The following PTPRC variants were observed in gnomAD, a reference collection of about 807,000 sequenced individuals.
PTPRC encodes the protein protein tyrosine phosphatase receptor type C.
In PTPRC, 44 loss-of-function variants were observed where a neutral mutation model predicts 155.9. The ratio of observed to expected loss-of-function variants is 0.28; its 90% CI spans 0.22 to 0.36. The LOEUF is 0.36. Among genes scored for constraint, PTPRC ranks in the 10% least tolerant of loss-of-function variants. The pLI is 1.00. For missense variants in PTPRC, 1,401 were observed against 1,564.6 expected (o/e 0.90, Z 1.76); for synonymous variants, 525 against 533.1 (o/e 0.98, Z 0.21).
At chr1:198,664,521 T>A (rs1007718524) in intron 2 of PTPRC, among the ~76,000 whole-genome samples, 23 of 152,216 alleles carry the variant, frequency 1.5e-4, no homozygotes, top group Non-Finnish European at 4.4e-5. Flanking sequence ...ACTGTTTTTT[T>A]AAAATTCTTT....
At position 198,702,494 on chromosome 1, in the gene PTPRC, C is replaced by T. The variant is rs561155698; in HGVS notation, c.547C>T (p.Arg183Cys). 50 of 1,614,186 alleles carry T rather than the reference C, an allele frequency of 3.1e-5. No homozygotes were observed. The Middle Eastern group carries it at 1.5e-3, about 48-fold the overall frequency. ...AHHSSAALPARTSNTTITANT... is the reference protein window; with the variant it reads ...AHHSSAALPACTSNTTITANT... ...CCACAGCTCTGCTGCCTTACCTGCACGCACCTCCAACACCACCATCACAGC... is the reference window on the plus strand; with the variant it reads ...CCACAGCTCTGCTGCCTTACCTGCATGCACCTCCAACACCACCATCACAGC... The change falls in exon 6 of 33, where the codon CGC (arginine) becomes TGC (cysteine). Residue 183 changes from arginine to cysteine, a missense_variant. Arg to Cys is a radical substitution (Grantham distance 180). Coordinates refer to ENST00000442510, the MANE Select transcript of PTPRC (RefSeq NM_002838.5).
At chr1:198,652,565 A>AC (rs1206761359) in intron 2 of PTPRC, among the ~76,000 whole-genome samples, 3 of 126,798 alleles carry the variant, frequency 2.4e-5, no homozygotes, top group Non-Finnish European at 3.5e-5. Context: ...AACAAATATT[A>AC]CCCTTTTTTT....
At chr1:198,659,066 T>G (rs1207710700) in intron 2 of PTPRC, among the ~76,000 whole-genome samples, 1 of 152,184 alleles carries the variant, frequency 6.6e-6, no homozygotes, top group Non-Finnish European at 1.5e-5. Flanking sequence ...AATTTGAAGT[T>G]GAGAACCAAC....
At chr1:198,695,650 CTTATT>C (rs1251146652) in intron 3 of PTPRC, among the ~76,000 whole-genome samples, 1 of 152,048 alleles carries the variant, frequency 6.6e-6, no homozygotes, top group Non-Finnish European at 1.5e-5. Flanking sequence ...TGTGCATAAA[CTTATT>C]TCACTACTAC....
intron 2 of PTPRC, among the ~76,000 whole-genome samples, chr1:198,639,614 A>G (rs2102161639): frequency 6.6e-6 from 1 of 152,238 alleles, no homozygotes; most frequent in Admixed American, 6.5e-5. Context: ...GTTCAAAGAT[A>G]TTACAAAAGC....
chr1:198,755,897 C>T lies in PTPRC; in HGVS notation c.3646-9C>T, dbSNP rs769881344. ...CTTCATGTAATTTCCCACTTAATTCCTTTACTAGGAGCAATATCAATTCCT... is the reference window on the plus strand; with the variant it reads ...CTTCATGTAATTTCCCACTTAATTCTTTTACTAGGAGCAATATCAATTCCT... On this transcript the variant is annotated splice_polypyrimidine_tract_variant and intron_variant, in intron 32 of 32. Coordinates refer to ENST00000442510, the MANE Select transcript of PTPRC (RefSeq NM_002838.5). The T allele has an allele frequency of 1.2e-6, 2 of 1,605,292 alleles. No individual in the cohort carries two copies. The highest frequency in any genetic ancestry group is 1.3e-5 in the African/African-American group (1 of 74,628).
intron 15 of PTPRC, among the ~76,000 whole-genome samples, chr1:198,726,866 C>CTTTCCT (rs1654158945): frequency 1.4e-5 from 2 of 138,092 alleles, no homozygotes; most frequent in African/African-American, 5.2e-5. Context: ...CTTTTCTTTC[C>CTTTCCT]TTTTTTTTTT....
Position 198,728,389 on chromosome 1 carries a change from A to T in PTPRC, c.1770A>T (p.Thr590=), listed in dbSNP as rs201158579. 1 of 1,613,054 alleles carries T rather than the reference A, an allele frequency of 6.2e-7. No homozygotes were observed. Among genetic ancestry groups the T allele is most frequent in the African/African-American group, 1.3e-5 (1 of 74,890 alleles). ...TTCTGGCATTTCTGATTATTGTGAC[A>T]TCAATAGCCCTGCTTGTTGTTCTCT... The part of the protein sequence containing the change: ...IAFLAFLIIV[T]SIALLVVLYK... Residue 590 remains threonine (T), a synonymous_variant, in exon 16 of 33, where the codon ACA becomes ACT. Transcript: ENST00000442510.
At chr1:198,646,110 A>C (rs1407697539) in intron 2 of PTPRC, among the ~76,000 whole-genome samples, 1 of 151,858 alleles carries the variant, frequency 6.6e-6, no homozygotes, top group East Asian at 1.9e-4. Context: ...TTTTCCTTAA[A>C]GATAAATTTT....
At chr1:198,707,060 G>C in intron 9 of PTPRC, 108 bp downstream of exon 9, 1 of 899,050 alleles carries the variant, frequency 1.1e-6, no homozygotes, top group Admixed American at 2.3e-5. Context: ...ACAGGGCTGA[G>C]GGAAAGGAAA....
At chr1:198,689,730 A>G (rs183024349) in intron 2 of PTPRC, among the ~76,000 whole-genome samples, 19 of 152,288 alleles carry the variant, frequency 1.2e-4, no homozygotes, top group African/African-American at 4.6e-4. Flanking sequence ...GCAATTACTT[A>G]TCAATCACTT....
intron 2 of PTPRC, among the ~76,000 whole-genome samples, chr1:198,682,613 C>G (rs920268219): frequency 4.6e-5 from 7 of 152,146 alleles, no homozygotes; most frequent in Non-Finnish European, 8.8e-5. Flanking sequence ...TTCCCTCACC[C>G]CACTTCTTTT....
At chr1:198,641,341 A>G (rs1050165777) in intron 2 of PTPRC, among the ~76,000 whole-genome samples, 8 of 152,114 alleles carry the variant, frequency 5.3e-5, no homozygotes, top group African/African-American at 7.2e-5. Context: ...GTTGGATTCT[A>G]TGTTTCATTT....
rs540174573 is a variant in PTPRC, at chr1:198,752,302, A to T, written c.3261A>T (p.Glu1087Asp). 1 of 1,611,942 alleles carries T rather than the reference A, an allele frequency of 6.2e-7. No individual in the cohort carries two copies. Among genetic ancestry groups the T allele is most frequent in the Admixed American group, 1.7e-5 (1 of 59,868 alleles). Residue 1087 changes from glutamate (E) to aspartate (D), a missense_variant, in exon 30 of 33, where the codon GAA (glutamate) becomes GAT (aspartate). Glu to Asp is a conservative substitution (Grantham distance 45). Transcript: ENST00000442510. ...GEGKQTYGDIEVDLKDTDKSS... is the reference protein window; with the variant it reads ...GEGKQTYGDIDVDLKDTDKSS... ...GAAAGCAAACATATGGAGATATTGA[A>T]GTTGACCTGAAAGACACAGACAAAT... is the stretch of plus-strand genomic sequence containing the variant.
chr1:198,742,595 A>T (rs992807232), intron 25 of PTPRC, among the ~76,000 whole-genome samples: 19 of 151,902 alleles, frequency 1.3e-4, no homozygotes, highest in African/African-American at 4.6e-4. Flanking sequence ...TATAATTTTT[A>T]AAATAATGAA....
chr1:198,656,068 G>A (rs1663548949), intron 2 of PTPRC, among the ~76,000 whole-genome samples: 2 of 152,010 alleles, frequency 1.3e-5, no homozygotes, highest in Admixed American at 6.6e-5. Flanking sequence ...AGATTCACAG[G>A]TGAGAATTTT....
At chr1:198,673,346 G>A (rs569782718) in intron 2 of PTPRC, among the ~76,000 whole-genome samples, 2 of 152,200 alleles carry the variant, frequency 1.3e-5, no homozygotes, top group East Asian at 3.9e-4. Flanking sequence ...CTCACAAGCT[G>A]AATGATCTCA....
At chr1:198,653,404 G>T (rs1029064417) in intron 2 of PTPRC, among the ~76,000 whole-genome samples, 5 of 151,566 alleles carry the variant, frequency 3.3e-5, no homozygotes, top group African/African-American at 1.2e-4. Context: ...TTCTCATTTG[G>T]TTTTTCACTT....
In PTPRC at chr1:198,750,541, A is replaced by G. The variant is rs1655333053; in HGVS notation, c.3122A>G (p.Glu1041Gly). 4 of 1,612,226 alleles carry G rather than the reference A, an allele frequency of 2.5e-6. No individual in the cohort carries two copies. Among genetic ancestry groups the G allele is most frequent in the Non-Finnish European group, 3.4e-6 (4 of 1,178,628 alleles). Reference protein sequence around the residue: ...VMIAAQGPLKETIGDFWQMIF... With the variant: ...VMIAAQGPLKGTIGDFWQMIF... ...ATTGCTGCTCAGGGACCACTGAAGG[A>G]GACCATTGGTGACTTTTGGCAGATG... The change falls in exon 29 of 33, where the codon GAG (glutamate) becomes GGG (glycine). Residue 1041 changes from glutamate (E) to glycine (G), a missense_variant. Coordinates refer to ENST00000442510, the MANE Select transcript of PTPRC (RefSeq NM_002838.5).
Sources: gnomAD v4.1 joint callset for allele counts (sites outside exome capture counted in the v4.1 genomes callset) on GRCh38, gnomAD v4.1.1 for gene constraint, MANE v1.5 for transcripts, NCBI Gene and HGNC (gene_info 2026-07-23, HGNC 2026-07-21) for gene names.